The following RPL24 variants were observed in gnomAD, a reference collection of about 807,000 sequenced individuals.
RPL24 encodes large ribosomal subunit protein eL24.
A neutral mutation model predicts 26.4 loss-of-function variants in RPL24; 7 were observed. That is an observed-to-expected ratio of 0.27 (90% CI 0.15 to 0.50). RPL24 has a LOEUF of 0.50. Among genes scored for constraint, RPL24 ranks in the 20% least tolerant of loss-of-function variants. The pLI is 0.98. For missense variants in RPL24, 109 were observed against 194.9 expected, an observed-to-expected ratio of 0.56 and a Z score of 2.62; for synonymous variants, 67 against 65.2, an observed-to-expected ratio of 1.03 and a Z score of -0.13.
chr3:101,686,217 A>G, intron 2 of RPL24: 1 of 579,658 alleles, frequency 1.7e-6, no homozygotes, highest in Non-Finnish European at 3.1e-6. Flanking sequence ...CCAGGATTCC[A>G]AAGGGTACCT....
intron 5 of RPL24, chr3:101,682,156 A>T (rs910953549): frequency 1.1e-5 from 4 of 367,286 alleles, no homozygotes; most frequent in Non-Finnish European, 2.0e-5. Context: ...GTTCAAGACC[A>T]GCCTGTCCGA....
intron 4 of RPL24, 77 bp downstream of exon 4, chr3:101,682,694 G>T: frequency 7.1e-7 from 1 of 1,401,336 alleles, no homozygotes; most frequent in South Asian, 1.2e-5. Context: ...AATCTATATG[G>T]TAACTTTAAT....
chr3:101,686,684 G>C lies in RPL24; in HGVS notation c.-8C>G, dbSNP rs547552075. 2.2e-5 allele frequency: 35 copies of C among 1,614,230 alleles called. No homozygotes were observed. Among genetic ancestry groups the C allele is most frequent in the East Asian group, 1.1e-4 (5 of 44,886 alleles). ...GGGTCGTGCTTACTTCATGGCGACAGCTCCACGGAAAGACAAAAGATGGCG... is the reference window on the plus strand; with the variant it reads ...GGGTCGTGCTTACTTCATGGCGACACCTCCACGGAAAGACAAAAGATGGCG... On this transcript the variant is annotated 5_prime_UTR_variant, in exon 1 of 6. Transcript: ENST00000394077.
intron 2 of RPL24, chr3:101,686,151 C>G (rs1051180277): frequency 3.5e-6 from 2 of 578,104 alleles, no homozygotes; most frequent in Non-Finnish European, 6.2e-6. Context: ...AATCTAGGCT[C>G]ATAGCAAAGG....
In RPL24 at chr3:101,684,255, T is replaced by G. The variant is rs538861425; in HGVS notation, c.193-1348A>C. Among the ~76,000 whole-genome samples the G allele has an allele frequency of 7.9e-5, 12 of 151,752 alleles. 1 individual carries two copies. The highest frequency in any genetic ancestry group is 1.8e-4 in the Non-Finnish European group (12 of 67,952). On this transcript the variant is annotated intron_variant, in intron 3 of 5. Coordinates refer to ENST00000394077, the MANE Select transcript of RPL24 (RefSeq NM_000986.4). ...TCCCAGCTCACTGCAACCCCCCACT[T>G]CCTGGGTTCAAGCTATTCTCCTGCC... is the stretch of plus-strand genomic sequence containing the variant.
At chr3:101,684,088 A>G (rs1408650085) in intron 3 of RPL24, among the ~76,000 whole-genome samples, 1 of 152,036 alleles carries the variant, frequency 6.6e-6, no homozygotes, top group African/African-American at 2.4e-5. Flanking sequence ...CCTGGGCTCA[A>G]GCTCAAGGGA....
At chr3:101,681,261 CTAT>C (rs1245019161) in intron 5 of RPL24, 46 bp from the exon 6 acceptor site, 6 of 1,275,016 alleles carry the variant, frequency 4.7e-6, no homozygotes, top group Non-Finnish European at 5.7e-6. Flanking sequence ...TTTTGTTACC[CTAT>C]TATTACCCAT....
At chr3:101,685,334 C>G (rs186701097) in intron 3 of RPL24, among the ~76,000 whole-genome samples, 1 of 152,096 alleles carries the variant, frequency 6.6e-6, no homozygotes, top group Non-Finnish European at 1.5e-5. Context: ...TAAGTATTCC[C>G]AAGCCTCCTG....
At chr3:101,684,882 T>A (rs1373937246) in intron 3 of RPL24, among the ~76,000 whole-genome samples, 1 of 150,492 alleles carries the variant, frequency 6.6e-6, no homozygotes, top group African/African-American at 2.4e-5. Context: ...AATAACTTTT[T>A]TTTTTTTTAA....
chr3:101,686,442 G>A (rs140771671), intron 2 of RPL24, 40 bp downstream of exon 2: 63 of 1,574,452 alleles, frequency 4.0e-5, no homozygotes, highest in African/African-American at 6.8e-5. Flanking sequence ...TTTCCTCCTC[G>A]GAGTACAAGA....
intron 3 of RPL24, among the ~76,000 whole-genome samples, chr3:101,683,131 T>C (rs1027976705): frequency 1.3e-5 from 2 of 152,160 alleles, no homozygotes; most frequent in African/African-American, 4.8e-5. Context: ...ACACAAAAAA[T>C]TGAACTCTAA....
intron 2 of RPL24, 181 bp downstream of exon 2, chr3:101,686,301 A>G (rs959309202): frequency 2.0e-5 from 12 of 605,684 alleles, no homozygotes; most frequent in Middle Eastern, 4.4e-4. Flanking sequence ...CCTGGCTCAC[A>G]ATAAATAATC....
Position 101,684,249 on chromosome 3 carries a change from C to T in RPL24, c.193-1342G>A, listed in dbSNP as rs529824839. Among the ~76,000 whole-genome samples the T allele has an allele frequency of 2.8e-4, 42 of 152,108 alleles. No homozygotes were observed. In the Middle Eastern group the frequency reaches 0.017, roughly 62 times the overall value. On this transcript the variant is annotated intron_variant, in intron 3 of 5. Transcript: ENST00000394077. ...GCACAATCCCAGCTCACTGCAACCC[C>T]CCACTTCCTGGGTTCAAGCTATTCT...
chr3:101,682,848 A>C lies in RPL24; in HGVS notation c.252T>G (p.Gly84=), dbSNP rs141408063. 6.2e-4 allele frequency: 997 copies of C among 1,613,768 alleles called. 1 individual carries two copies. Among genetic ancestry groups the C allele is most frequent in the Admixed American group, 7.7e-4 (46 of 60,004 alleles). Residue 84 remains glycine, a synonymous_variant, in exon 4 of 6, where the codon GGT becomes GGG. Coordinates refer to ENST00000394077, the MANE Select transcript of RPL24 (RefSeq NM_000986.4). ...TGGCCATTATATCAGCAAGAGATGC[A>C]CCAGTAATGGCCCTCTGGAATTTGA... The part of the protein sequence containing the change: ...RAVKFQRAIT[G]ASLADIMAKR...
intron 3 of RPL24, among the ~76,000 whole-genome samples, chr3:101,685,124 A>G (rs1576659346): frequency 6.6e-6 from 1 of 152,058 alleles, no homozygotes; most frequent in East Asian, 1.9e-4. Flanking sequence ...ATATTTAGCA[A>G]TGCACAAAGG....
At chr3:101,683,859 C>T (rs1473612575) in intron 3 of RPL24, among the ~76,000 whole-genome samples, 1 of 151,828 alleles carries the variant, frequency 6.6e-6, no homozygotes, top group Non-Finnish European at 1.5e-5. Context: ...TCACAAGTAA[C>T]CGCCACCACG....
Position 101,686,529 on chromosome 3 carries a change from T to C in RPL24, c.34A>G (p.Lys12Glu). Residue 12 changes from lysine to glutamate, a missense_variant, in exon 2 of 6, where the codon AAG becomes GAG. Transcript: ENST00000394077. ...KVELCSFSGY[K>E]IYPGHGRRYA... ...CGCCTCCCGTGTCCGGGGTAGATCT[T>C]GTACCCGCTAAAACTGCACAGCTCG... 6.2e-7 allele frequency: 1 copy of C among 1,613,824 alleles called. No individual in the cohort carries two copies. Among genetic ancestry groups the C allele is most frequent in the Non-Finnish European group, 8.5e-7 (1 of 1,179,928 alleles).
intron 3 of RPL24, among the ~76,000 whole-genome samples, chr3:101,684,485 A>T (rs1937305127): frequency 6.6e-6 from 1 of 152,124 alleles, no homozygotes; most frequent in African/African-American, 2.4e-5. Context: ...TTAACTTTTT[A>T]AATTATAATT....
Position 101,682,419 on chromosome 3 carries a change from C to T in RPL24, c.393+10G>A. The T allele has an allele frequency of 6.2e-7, 1 of 1,607,820 alleles. No individual in the cohort carries two copies. Among genetic ancestry groups the T allele is most frequent in the African/African-American group, 1.3e-5 (1 of 74,872 alleles). ...TATTGTTCAAGAAAGTAAAGAAACC[C>T]CATAATTACCTTAGCAGCAGCCATT... is the stretch of plus-strand genomic sequence containing the variant. On this transcript the variant is annotated intron_variant, in intron 5 of 5. Transcript: ENST00000394077.
Sources: allele counts gnomAD v4.1 joint callset (sites outside exome capture counted in the v4.1 genomes callset), GRCh38; gene constraint gnomAD v4.1.1; transcripts MANE v1.5; gene names NCBI Gene and HGNC (gene_info 2026-07-23, HGNC 2026-07-21).